XKR4: variants seen among roughly 807,000 people sequenced by gnomAD.
XKR4 encodes the protein XK-related protein 4.
In XKR4, 12 loss-of-function variants were observed where a neutral mutation model predicts 53.9. The ratio of observed to expected loss-of-function variants is 0.22; its 90% CI spans 0.14 to 0.36. The LOEUF (loss-of-function observed/expected upper bound fraction) is 0.36. Ranked by LOEUF, XKR4 falls within the 10% of genes least tolerant of loss-of-function variation. XKR4 has a pLI of 1.00. For missense variants in XKR4, 799 were observed against 859.5 expected, an observed-to-expected ratio of 0.93 and a Z score of 0.88; for synonymous variants, 354 against 362.4, an observed-to-expected ratio of 0.98 and a Z score of 0.26.
intron 2 of XKR4, among the ~76,000 whole-genome samples, chr8:55,381,448 T>A (rs567161574): frequency 2.0e-5 from 3 of 152,130 alleles, no homozygotes; most frequent in Non-Finnish European, 4.4e-5. Flanking sequence ...AAGTGGACAG[T>A]GTAGCTCAGC....
chr8:55,516,399 C>T (rs1183282078), intron 2 of XKR4, among the ~76,000 whole-genome samples: 1 of 152,110 alleles, frequency 6.6e-6, no homozygotes, highest in Admixed American at 6.5e-5. Flanking sequence ...CATCTCACCT[C>T]TATAGTAGGG....
At chr8:55,113,011 G>A (rs1816254179) in intron 1 of XKR4, among the ~76,000 whole-genome samples, 1 of 152,110 alleles carries the variant, frequency 6.6e-6, no homozygotes, top group Non-Finnish European at 1.5e-5. Flanking sequence ...CTTCCTGATG[G>A]GGTGATGGCT....
chr8:55,307,346 T>G (rs945133882), intron 1 of XKR4, among the ~76,000 whole-genome samples: 3 of 152,048 alleles, frequency 2.0e-5, no homozygotes, highest in Non-Finnish European at 2.9e-5. Context: ...AAGAAACATT[T>G]TACTAAACAG....
intron 1 of XKR4, among the ~76,000 whole-genome samples, chr8:55,190,927 G>C (rs558937541): frequency 3.9e-5 from 6 of 152,114 alleles, no homozygotes; most frequent in Admixed American, 6.6e-5. Flanking sequence ...CTCTCACTTC[G>C]TCTTATGTGG....
At chr8:55,103,849 T>TTG (rs767699838) in intron 1 of XKR4, among the ~76,000 whole-genome samples, 9,028 of 60,540 alleles carry the variant, frequency 0.15, 770 homozygotes, top group South Asian at 0.27. Context: ...GCAAATGACT[T>TTG]TGTATATATA....
At chr8:55,414,409 C>T (rs547755409) in intron 2 of XKR4, among the ~76,000 whole-genome samples, 5 of 151,744 alleles carry the variant, frequency 3.3e-5, no homozygotes, top group East Asian at 1.9e-4. Context: ...GAAGAAATGA[C>T]GAGTGGCCTA....
At chr8:55,406,359 C>T (rs992130131) in intron 2 of XKR4, among the ~76,000 whole-genome samples, 1 of 152,180 alleles carries the variant, frequency 6.6e-6, no homozygotes, top group African/African-American at 2.4e-5. Flanking sequence ...CTCAGAGCTA[C>T]ACTCAAAGCA....
intron 1 of XKR4, among the ~76,000 whole-genome samples, chr8:55,326,673 G>A (rs1365879485): frequency 6.6e-6 from 1 of 151,466 alleles, no homozygotes. Flanking sequence ...GCTTCACCAT[G>A]TTGCCCAAGC....
chr8:55,501,916 C>T (rs567543117), intron 2 of XKR4, among the ~76,000 whole-genome samples: 2 of 152,240 alleles, frequency 1.3e-5, no homozygotes, highest in African/African-American at 2.4e-5. Flanking sequence ...GCTCAAGTCT[C>T]TTATATAAAA....
chr8:55,177,503 C>A (rs1014936073), intron 1 of XKR4, among the ~76,000 whole-genome samples: 1 of 152,190 alleles, frequency 6.6e-6, no homozygotes, highest in Non-Finnish European at 1.5e-5. Flanking sequence ...ACCTTTTAAT[C>A]TCTTCATAGG....
chr8:55,475,380 C>T lies in XKR4; in HGVS notation c.1007-47901C>T, dbSNP rs1043215990. On this transcript the variant is annotated intron_variant, in intron 2 of 2. Transcript: ENST00000327381. ...ACCAGCGATTCATAAATGTTTTTTG[C>T]TTATTTTGTTGTTGTTGTTGTTGTT... Among the ~76,000 whole-genome samples the T allele has an allele frequency of 2.4e-4, 26 of 107,968 alleles. 2 individuals are homozygous for T. Among genetic ancestry groups the T allele is most frequent in the African/African-American group, 9.9e-4 (23 of 23,130 alleles). 70.8% of individuals were successfully genotyped at this position (107,968 alleles called of 152,430 possible). A position where few individuals can be genotyped will look rare whatever the true frequency, so the allele number is the denominator to read the frequency against.
chr8:55,219,222 G>A (rs1478246913), intron 1 of XKR4, among the ~76,000 whole-genome samples: 2 of 152,184 alleles, frequency 1.3e-5, no homozygotes, highest in East Asian at 3.8e-4. Context: ...TGTTTGCCGG[G>A]CCCTTAAGTA....
At chr8:55,231,898 T>C (rs1198522804) in intron 1 of XKR4, among the ~76,000 whole-genome samples, 1 of 152,220 alleles carries the variant, frequency 6.6e-6, no homozygotes, top group Non-Finnish European at 1.5e-5. Context: ...TTTAGAGAGC[T>C]TGAGATGCTT....
intron 1 of XKR4, among the ~76,000 whole-genome samples, chr8:55,168,832 G>A (rs559431311): frequency 2.8e-4 from 43 of 152,112 alleles, no homozygotes; most frequent in African/African-American, 8.9e-4. Flanking sequence ...ATGCAGGTAT[G>A]GTAATTCACT....
intron 1 of XKR4, among the ~76,000 whole-genome samples, chr8:55,286,034 C>A (rs1818903141): frequency 6.6e-6 from 1 of 152,252 alleles, no homozygotes; most frequent in Admixed American, 6.5e-5. Flanking sequence ...ATAAGTCTAT[C>A]TGCCGAGCTG....
At chr8:55,469,623 A>G (rs1805840747) in intron 2 of XKR4, among the ~76,000 whole-genome samples, 1 of 152,158 alleles carries the variant, frequency 6.6e-6, no homozygotes, top group African/African-American at 2.4e-5. Flanking sequence ...TGTTAGCATA[A>G]TATAGCAGAA....
rs1382458846 is a variant in XKR4 at position 55,536,195 on chromosome 8, GAA to G, written c.*11973_*11974del. The G allele has an allele frequency of 1.3e-5, 2 of 152,086 alleles. No homozygotes were observed. The highest frequency in any genetic ancestry group is 4.8e-5 in the African/African-American group (2 of 41,430). 9.4% of individuals were successfully genotyped at this position (152,086 alleles called of 1,614,324 possible). On this transcript the variant is annotated 3_prime_UTR_variant, in exon 3 of 3. Coordinates refer to ENST00000327381, the MANE Select transcript of XKR4 (RefSeq NM_052898.2). ...AGTCTGTGTATCTGTTCCCAAACTG[GAA>G]AAAATAATTCTTGAGAGAATAATTT... is the stretch of plus-strand genomic sequence containing the variant.
intron 2 of XKR4, among the ~76,000 whole-genome samples, chr8:55,402,570 A>T (rs775178643): frequency 2.0e-5 from 3 of 152,214 alleles, no homozygotes; most frequent in Non-Finnish European, 2.9e-5. Flanking sequence ...CCCAGCCATA[A>T]GCCCCATCCA....
At chr8:55,480,202 C>A (rs949154317) in intron 2 of XKR4, among the ~76,000 whole-genome samples, 3 of 152,186 alleles carry the variant, frequency 2.0e-5, no homozygotes, top group African/African-American at 4.8e-5. Context: ...GCTTATCCAC[C>A]ACAATCAAGT....
Sources: gnomAD v4.1 joint callset for allele counts (sites outside exome capture counted in the v4.1 genomes callset) on GRCh38, gnomAD v4.1.1 for gene constraint, MANE v1.5 for transcripts, NCBI Gene and HGNC (gene_info 2026-07-23, HGNC 2026-07-21) for gene names.